Variants in SLC25A48 observed in about 807,000 individuals in gnomAD.
SLC25A48 encodes solute carrier family 25 member 48.
A neutral mutation model predicts 32.2 loss-of-function variants in SLC25A48; 29 were observed. That is an observed-to-expected ratio of 0.90 (90% CI 0.67 to 1.23). The LOEUF (loss-of-function observed/expected upper bound fraction) is 1.23, where lower values mean the gene tolerates loss of function less well. SLC25A48 is among the 50% of genes most tolerant of loss of function. The probability of loss-of-function intolerance (pLI) is 0.00; values close to 1 mark genes in which losing one functional copy is unlikely to be tolerated. For missense variants in SLC25A48, 399 were observed against 422.7 expected, an observed-to-expected ratio of 0.94 and a Z score of 0.49; for synonymous variants, 164 against 172.3, an observed-to-expected ratio of 0.95 and a Z score of 0.38.
At chr5:135,693,943 A>C (rs1279782638) in intron 3 of SLC25A48, among the ~76,000 whole-genome samples, 7 of 136,476 alleles carry the variant, frequency 5.1e-5, no homozygotes, top group South Asian at 2.5e-4. Context: ...TGGGGTCAGC[A>C]GAATGAAACA....
At position 135,847,560 on chromosome 5, in the gene SLC25A48, C is replaced by T. The variant is rs376608329; in HGVS notation, c.91-2865C>T. Among the ~76,000 whole-genome samples the T allele has an allele frequency of 3.4e-3, 516 of 152,210 alleles. 3 individuals carry two copies. The highest frequency in any genetic ancestry group is 0.027 in the Middle Eastern group (8 of 294). ...AAGGATCTTGAGATGGGAGGATGATCCTGGATTATCAGGGAGGTTCTTAAA... is the reference window on the plus strand; with the variant it reads ...AAGGATCTTGAGATGGGAGGATGATTCTGGATTATCAGGGAGGTTCTTAAA... On this transcript the variant is annotated intron_variant, in intron 2 of 7. Coordinates refer to ENST00000681962, the MANE Select transcript of SLC25A48 (RefSeq NM_001349336.2).
At chr5:135,706,087 GAGA>G (rs1260755525) in intron 3 of SLC25A48, among the ~76,000 whole-genome samples, 2 of 152,168 alleles carry the variant, frequency 1.3e-5, no homozygotes, top group African/African-American at 4.8e-5. Flanking sequence ...TCTTCTCTGT[GAGA>G]AGGTGCCCAG....
chr5:135,806,184 G>A lies in SLC25A48; in HGVS notation c.-520-6339G>A, dbSNP rs186213523. The stretch of plus-strand genomic sequence containing the variant: ...GGTGTACACACTGGATGTACACCCC[G>A]TGATATGATTCATAATATCTAGAAA... On this transcript the variant is annotated intron_variant, in intron 3 of 10. Coordinates refer to the SLC25A48 transcript ENST00000646290. 1.6e-3 allele frequency among the ~76,000 whole-genome samples: 246 copies of A among 151,426 alleles called. 1 individual carries two copies. The highest frequency in any genetic ancestry group is 2.3e-3 in the Non-Finnish European group (157 of 67,668).
At chr5:135,621,880 G>C (rs1165895455) in intron 1 of SLC25A48, among the ~76,000 whole-genome samples, 1 of 151,980 alleles carries the variant, frequency 6.6e-6, no homozygotes, top group African/African-American at 2.4e-5. Context: ...ATACATTCCA[G>C]GTGAATTAAG....
chr5:135,874,066 G>T lies in SLC25A48; in HGVS notation c.725G>T (p.Ser242Ile). The T allele has an allele frequency of 6.5e-7, 1 of 1,531,068 alleles. No homozygotes were observed. The highest frequency in any genetic ancestry group is 8.7e-7 in the Non-Finnish European group (1 of 1,145,240). 94.8% of individuals were successfully genotyped at this position (1,531,068 alleles called of 1,614,324 possible). Residue 242 changes from serine to isoleucine, a missense_variant, in exon 6 of 8, where the codon AGT (serine) becomes ATT (isoleucine). Transcript: ENST00000681962. ...GCGACTCCTATGGATGTCGTGAAAA[G>T]TCGACTCCAAGCTGATGGGGTTTAT... The part of the protein sequence containing the change: ...GTATPMDVVK[S>I]RLQADGVYLN...
At chr5:135,652,268 G>C in intron 3 of SLC25A48, 1 of 414,356 alleles carries the variant, frequency 2.4e-6, no homozygotes. Flanking sequence ...CCTGGTGGCA[G>C]ATTGATTACA....
At chr5:135,813,970 A>T (rs1757651916) in intron 4 of SLC25A48, among the ~76,000 whole-genome samples, 1 of 152,194 alleles carries the variant, frequency 6.6e-6, no homozygotes, top group Admixed American at 6.5e-5. Flanking sequence ...CACATAGGTG[A>T]CACAGAGTGT....
At chr5:135,686,954 T>C (rs964564063) in intron 3 of SLC25A48, among the ~76,000 whole-genome samples, 1 of 152,036 alleles carries the variant, frequency 6.6e-6, no homozygotes, top group African/African-American at 2.4e-5. Flanking sequence ...TTGTTTTTTT[T>C]TTTTCCACAG....
chr5:135,756,541 C>G (rs988982149), intron 3 of SLC25A48, among the ~76,000 whole-genome samples: 2 of 151,926 alleles, frequency 1.3e-5, no homozygotes, highest in African/African-American at 4.8e-5. Flanking sequence ...CGTGGTGGTG[C>G]GTGCCTGTAA....
intron 3 of SLC25A48, among the ~76,000 whole-genome samples, chr5:135,722,259 G>A (rs1342943789): frequency 6.6e-6 from 1 of 152,216 alleles, no homozygotes; most frequent in African/African-American, 2.4e-5. Context: ...TCTGAAAGCA[G>A]CACTTTGCCA....
intron 3 of SLC25A48, among the ~76,000 whole-genome samples, chr5:135,779,089 A>G (rs1374974020): frequency 6.6e-6 from 1 of 151,764 alleles, no homozygotes; most frequent in East Asian, 1.9e-4. Context: ...TATTTTTCTA[A>G]TATTTAAGGA....
intron 4 of SLC25A48, among the ~76,000 whole-genome samples, chr5:135,854,384 T>A (rs1760143454): frequency 6.6e-6 from 1 of 152,270 alleles, no homozygotes; most frequent in Non-Finnish European, 1.5e-5. Context: ...ATTGAAAACC[T>A]GTTGTTGAGT....
At chr5:135,653,381 C>T (rs748752740) in intron 3 of SLC25A48, among the ~76,000 whole-genome samples, 8 of 152,118 alleles carry the variant, frequency 5.3e-5, no homozygotes, top group Non-Finnish European at 1.2e-4. Flanking sequence ...CACTTCCATA[C>T]CCACTAGTAA....
At chr5:135,644,784 C>T (rs924025894) in intron 3 of SLC25A48, among the ~76,000 whole-genome samples, 2 of 152,108 alleles carry the variant, frequency 1.3e-5, no homozygotes, top group Non-Finnish European at 1.5e-5. Context: ...ATCCTCATGC[C>T]CGGGAGGTCA....
intron 3 of SLC25A48, among the ~76,000 whole-genome samples, chr5:135,739,064 A>G (rs1165998513): frequency 1.3e-5 from 2 of 152,134 alleles, no homozygotes; most frequent in African/African-American, 2.4e-5. Flanking sequence ...CCTGGGCAAC[A>G]CAGCGATACT....
At chr5:135,761,892 T>C (rs2127018309) in intron 3 of SLC25A48, among the ~76,000 whole-genome samples, 1 of 152,260 alleles carries the variant, frequency 6.6e-6, no homozygotes, top group South Asian at 2.1e-4. Flanking sequence ...TGATGGGCCA[T>C]TTTCCTGCCA....
chr5:135,648,205 T>C (rs1302683446), intron 3 of SLC25A48, among the ~76,000 whole-genome samples: 1 of 152,202 alleles, frequency 6.6e-6, no homozygotes, highest in African/African-American at 2.4e-5. Flanking sequence ...GCTCTTGGGC[T>C]GCCTCTGGGG....
chr5:135,747,124 A>G (rs1474542416), intron 3 of SLC25A48, among the ~76,000 whole-genome samples: 1 of 151,824 alleles, frequency 6.6e-6, no homozygotes, highest in Non-Finnish European at 1.5e-5. Context: ...ACCCTCTGCC[A>G]TTTGTAATTA....
rs922741186 is a variant in SLC25A48 at position 135,842,480 on chromosome 5, A to G, written c.90+21A>G. The G allele has an allele frequency of 1.6e-5, 25 of 1,611,336 alleles. No homozygotes were observed. The African/African-American group carries it at 3.2e-4, about 21-fold the overall frequency. The stretch of plus-strand genomic sequence containing the variant: ...TCAAGGTACAGTAGCCATGTTTCCC[A>G]TTACCTCTTAAAAAGAGGCATGGAG... On this transcript the variant is annotated intron_variant, in intron 2 of 7. Transcript: ENST00000681962.
Sources: allele counts gnomAD v4.1 joint callset (sites outside exome capture counted in the v4.1 genomes callset), GRCh38; gene constraint gnomAD v4.1.1; transcripts MANE v1.5; gene names NCBI Gene and HGNC (gene_info 2026-07-23, HGNC 2026-07-21).